The following RBFOX1 variants were observed in gnomAD, a reference collection of about 807,000 sequenced individuals.
The protein encoded by RBFOX1 is RNA binding fox-1 homolog 1, also known as RNA binding protein fox-1 homolog 1.
In RBFOX1, 8 loss-of-function variants were observed where a neutral mutation model predicts 57.7. The observed-to-expected ratio is 0.14, with a 90% CI of 0.08 to 0.25. The LOEUF is 0.25. RBFOX1 is among the 10% of genes least tolerant of loss of function. The pLI, the probability that RBFOX1 is intolerant of heterozygous loss-of-function variation, is 1.00. For missense variants in RBFOX1, 611 were observed against 548.5 expected, an observed-to-expected ratio of 1.11 and a Z score of -1.14; for synonymous variants, 326 against 222.4, an observed-to-expected ratio of 1.47 and a Z score of -4.15.
intron 3 of RBFOX1, among the ~76,000 whole-genome samples, chr16:5,783,982 TG>T (rs1160446152): frequency 2.0e-5 from 3 of 152,208 alleles, no homozygotes; most frequent in Admixed American, 6.5e-5. Context: ...CTTACCTTGC[TG>T]TAAAAACTTA....
chr16:5,275,533 T>C (rs749589534), intron 1 of RBFOX1, among the ~76,000 whole-genome samples: 1 of 151,702 alleles, frequency 6.6e-6, no homozygotes, highest in Non-Finnish European at 1.5e-5. Context: ...AAAGAAATCA[T>C]AGATGACACA....
At chr16:7,603,148 A>C (rs1399326315) in intron 9 of RBFOX1, among the ~76,000 whole-genome samples, 4 of 152,230 alleles carry the variant, frequency 2.6e-5, no homozygotes, top group Non-Finnish European at 2.9e-5. Context: ...AACCGGGACA[A>C]CAGTCATCCC....
At chr16:6,983,592 C>T (rs1372040773) in intron 3 of RBFOX1, 4 of 152,056 alleles carry the variant, frequency 2.6e-5, no homozygotes, top group Admixed American at 6.6e-5. Flanking sequence ...ATCATAAAAG[C>T]ATTGGCAACA....
intron 3 of RBFOX1, among the ~76,000 whole-genome samples, chr16:6,917,276 G>A (rs958082179): frequency 6.6e-6 from 1 of 152,132 alleles, no homozygotes; most frequent in African/African-American, 2.4e-5. Context: ...CTACTGTTAG[G>A]GACTCATTTG....
At chr16:5,419,600 T>G (rs942440123) in intron 1 of RBFOX1, among the ~76,000 whole-genome samples, 4 of 151,850 alleles carry the variant, frequency 2.6e-5, no homozygotes, top group Non-Finnish European at 5.9e-5. Flanking sequence ...TGATGCTCAG[T>G]ATTAACCGTC....
chr16:5,768,949 GA>G (rs755062401), intron 3 of RBFOX1, among the ~76,000 whole-genome samples: 1 of 152,024 alleles, frequency 6.6e-6, no homozygotes, highest in Non-Finnish European at 1.5e-5. Context: ...AAAAAAATAG[GA>G]AATCCAGGCA....
At chr16:5,986,061 T>C (rs1351732158) in intron 4 of RBFOX1, among the ~76,000 whole-genome samples, 1 of 19,390 alleles carries the variant, frequency 5.2e-5, no homozygotes, top group African/African-American at 1.0e-3. Flanking sequence ...TTTCTTTACT[T>C]TTTTTTTTTT....
intron 1 of RBFOX1, among the ~76,000 whole-genome samples, chr16:6,148,988 C>G (rs570729725): frequency 6.6e-6 from 1 of 152,140 alleles, no homozygotes; most frequent in Non-Finnish European, 1.5e-5. Context: ...GGGGGCCTCA[C>G]ACCTCATTTG....
rs187277080 is a variant in RBFOX1 at position 6,912,683 on chromosome 16, A to G, written c.-15-139374A>G. On this transcript the variant is annotated intron_variant, in intron 3 of 15. Transcript: ENST00000550418. Reference sequence around the variant, plus strand: ...CAGGCTGGAGTACAGTGGCATGATCATAGCTCACTGTAGCGCCCCAACCTC... The same window carrying G: ...CAGGCTGGAGTACAGTGGCATGATCGTAGCTCACTGTAGCGCCCCAACCTC... Among the ~76,000 whole-genome samples the G allele has an allele frequency of 2.0e-3, 307 of 151,090 alleles. 6 individuals carry two copies. The highest frequency in any genetic ancestry group is 8.4e-4 in the South Asian group (4 of 4,776).
At chr16:7,505,028 G>A (rs2072762077) in intron 4 of RBFOX1, among the ~76,000 whole-genome samples, 1 of 150,946 alleles carries the variant, frequency 6.6e-6, no homozygotes, top group Non-Finnish European at 1.5e-5. Context: ...CAGTAATGCA[G>A]GGCAACGGTG....
At chr16:7,229,528 G>GA (rs2093352607) in intron 4 of RBFOX1, among the ~76,000 whole-genome samples, 1 of 150,060 alleles carries the variant, frequency 6.7e-6, no homozygotes, top group African/African-American at 2.5e-5. Context: ...AAGGAGAGGA[G>GA]AGGGAGGAAG....
chr16:6,783,065 T>C (rs1405446716), intron 3 of RBFOX1, among the ~76,000 whole-genome samples: 1 of 152,142 alleles, frequency 6.6e-6, no homozygotes, highest in Non-Finnish European at 1.5e-5. Context: ...TGTTCTTTTT[T>C]GGTTTTCATT....
At chr16:6,403,776 G>A (rs573084679) in intron 2 of RBFOX1, among the ~76,000 whole-genome samples, 69 of 152,192 alleles carry the variant, frequency 4.5e-4, no homozygotes, top group Non-Finnish European at 9.0e-4. Flanking sequence ...ACTCAAGTGT[G>A]TCCCTCCAAA....
At chr16:6,083,996 A>G (rs1458604740) in intron 1 of RBFOX1, among the ~76,000 whole-genome samples, 1 of 152,218 alleles carries the variant, frequency 6.6e-6, no homozygotes, top group African/African-American at 2.4e-5. Context: ...GTCAAATTTT[A>G]GAAAATGAGA....
At chr16:7,378,247 C>G (rs1346921770) in intron 4 of RBFOX1, among the ~76,000 whole-genome samples, 2 of 152,146 alleles carry the variant, frequency 1.3e-5, no homozygotes, top group East Asian at 1.9e-4. Flanking sequence ...CTCCTGATCT[C>G]GAGCCTTTTC....
intron 4 of RBFOX1, among the ~76,000 whole-genome samples, chr16:7,090,664 A>G (rs977171354): frequency 5.3e-5 from 8 of 151,718 alleles, no homozygotes; most frequent in Admixed American, 5.2e-4. Flanking sequence ...CTGAGTGAGT[A>G]CAGGTTGCTG....
intron 2 of RBFOX1, chr16:6,483,827 T>C (rs2095415428): frequency 1.6e-6 from 2 of 1,287,234 alleles, no homozygotes; most frequent in Non-Finnish European, 9.9e-7. Context: ...CTGATTAGAA[T>C]AGGGGACTTG....
Position 6,788,921 on chromosome 16 carries a change from C to G in RBFOX1, c.-16+134271C>G, listed in dbSNP as rs186609303. 4.1e-4 allele frequency among the ~76,000 whole-genome samples: 63 copies of G among 152,264 alleles called. 2 individuals are homozygous for G. The highest frequency in any genetic ancestry group is 1.4e-3 in the African/African-American group (60 of 41,560). On this transcript the variant is annotated intron_variant, in intron 3 of 15. Transcript: ENST00000550418. ...GCTCTAAGAACTCAGCGTCCCCAAGCCAACTTCCCGAGTTCCTCCTAGCAT... is the reference window on the plus strand; with the variant it reads ...GCTCTAAGAACTCAGCGTCCCCAAGGCAACTTCCCGAGTTCCTCCTAGCAT...
intron 3 of RBFOX1, among the ~76,000 whole-genome samples, chr16:5,648,991 G>T (rs868232588): frequency 6.6e-5 from 10 of 151,970 alleles, no homozygotes; most frequent in Middle Eastern, 3.4e-3. Context: ...TTGAACCTAG[G>T]AGGTGGAGGT....
Sources: gnomAD v4.1 joint callset for allele counts (sites outside exome capture counted in the v4.1 genomes callset) on GRCh38, gnomAD v4.1.1 for gene constraint, MANE v1.5 for transcripts, NCBI Gene and HGNC (gene_info 2026-07-23, HGNC 2026-07-21) for gene names.